Variants in DPP10 observed in about 807,000 individuals in gnomAD.
DPP10 encodes inactive dipeptidyl peptidase 10.
DPP10 carries 33 observed loss-of-function variants against 120.9 expected under a neutral mutation model. That is an observed-to-expected ratio of 0.27 (90% CI 0.21 to 0.37). DPP10 has a LOEUF of 0.37. DPP10 is among the 10% of genes least tolerant of loss of function. The pLI is 1.00. For synonymous variants in DPP10, 337 were observed against 326.1 expected (o/e 1.03, Z -0.36); for missense variants, 816 against 942.8 (o/e 0.87, Z 1.76).
rs528807764 is a variant in DPP10, at chr2:115,767,417, TTTC to T, written c.1114-877_1114-875del. On this transcript the variant is annotated intron_variant, in intron 12 of 25. Transcript: ENST00000410059. Reference sequence around the variant, plus strand: ...TCAATGTTTCATCAGATAAATGTGTTTTCTTAATGTTTTTCCTGAAGAAAGAGC... The same window carrying T: ...TCAATGTTTCATCAGATAAATGTGTTTTAATGTTTTTCCTGAAGAAAGAGC... Among the ~76,000 whole-genome samples, 1,487 of 152,084 alleles carry T rather than the reference TTTC, an allele frequency of 9.8e-3. 10 individuals are homozygous for T. The highest frequency in any genetic ancestry group is 0.015 in the Non-Finnish European group (1,047 of 67,960).
At chr2:115,706,833 T>G (rs570874388) in intron 7 of DPP10, among the ~76,000 whole-genome samples, 3 of 152,110 alleles carry the variant, frequency 2.0e-5, no homozygotes, top group African/African-American at 4.8e-5. Context: ...TTTTATTAAA[T>G]GGCATGCAGA....
chr2:114,714,716 A>T (rs1316467618), intron 1 of DPP10, among the ~76,000 whole-genome samples: 1 of 152,074 alleles, frequency 6.6e-6, no homozygotes, highest in African/African-American at 2.4e-5. Flanking sequence ...GACCTAGATT[A>T]TGTTAAATCT....
intron 1 of DPP10, among the ~76,000 whole-genome samples, chr2:115,130,038 C>T (rs2050259593): frequency 6.6e-6 from 1 of 152,122 alleles, no homozygotes; most frequent in Non-Finnish European, 1.5e-5. Context: ...GCTTAGGACT[C>T]ACTAAACCAT....
chr2:115,213,106 G>A (rs1443060877), intron 1 of DPP10, among the ~76,000 whole-genome samples: 1 of 152,126 alleles, frequency 6.6e-6, no homozygotes, highest in African/African-American at 2.4e-5. Context: ...ATTATAAACT[G>A]TGATAGTAGA....
intron 1 of DPP10, among the ~76,000 whole-genome samples, chr2:114,885,041 A>G (rs940012837): frequency 6.6e-6 from 1 of 152,226 alleles, no homozygotes; most frequent in Non-Finnish European, 1.5e-5. Context: ...TATTCCCCAC[A>G]GGTGGCTGCC....
intron 21 of DPP10, among the ~76,000 whole-genome samples, chr2:115,822,244 G>A (rs896569496): frequency 4.6e-5 from 7 of 151,914 alleles, no homozygotes; most frequent in African/African-American, 1.2e-4. Context: ...GTCACAGAAA[G>A]CATGTTACAA....
At chr2:114,868,700 C>G (rs1198080493) in intron 1 of DPP10, among the ~76,000 whole-genome samples, 1 of 152,140 alleles carries the variant, frequency 6.6e-6, no homozygotes, top group Non-Finnish European at 1.5e-5. Context: ...AAAGCATCTA[C>G]TGGAACCTGG....
At chr2:114,496,326 C>T (rs34231022) in intron 1 of DPP10, among the ~76,000 whole-genome samples, 2 of 152,138 alleles carry the variant, frequency 1.3e-5, no homozygotes, top group African/African-American at 2.4e-5. Context: ...GGGGCCTACA[C>T]CTCTAATGAG....
At chr2:115,679,577 A>G in intron 5 of DPP10, among the ~76,000 whole-genome samples, 1 of 152,204 alleles carries the variant, frequency 6.6e-6, no homozygotes, top group East Asian at 1.9e-4. Context: ...GAGAATGAAT[A>G]GTATGGAATC....
chr2:115,699,036 C>CAAAAAAAAAAAAA (rs1191197397), intron 7 of DPP10, among the ~76,000 whole-genome samples: 2 of 50,788 alleles, frequency 3.9e-5, no homozygotes, highest in African/African-American at 1.4e-4. Context: ...AAAAAAAAAA[C>CAAAAAAAAAAAAA]AAAAAAAAAA....
chr2:115,056,152 G>A (rs1705887291), intron 1 of DPP10, among the ~76,000 whole-genome samples: 1 of 152,048 alleles, frequency 6.6e-6, no homozygotes, highest in African/African-American at 2.4e-5. Context: ...CATGTTTATT[G>A]CATACATACG....
chr2:114,744,599 C>T (rs1000539391), intron 1 of DPP10, among the ~76,000 whole-genome samples: 2 of 152,074 alleles, frequency 1.3e-5, no homozygotes, highest in Non-Finnish European at 2.9e-5. Flanking sequence ...GGCAGTTATG[C>T]GGAGAATGCA....
At chr2:114,944,730 TC>T (rs1437131201) in intron 1 of DPP10, among the ~76,000 whole-genome samples, 1 of 152,154 alleles carries the variant, frequency 6.6e-6, no homozygotes, top group East Asian at 1.9e-4. Flanking sequence ...TCTTTTTAAG[TC>T]CTCAAAACAG....
At position 115,494,051 on chromosome 2, in the gene DPP10, C is replaced by T. The variant is rs539451576; in HGVS notation, c.272-5459C>T. Among the ~76,000 whole-genome samples the T allele has an allele frequency of 7.2e-5, 11 of 152,128 alleles. No individual in the cohort carries two copies. The South Asian group carries it at 1.5e-3, about 20-fold the overall frequency. ...GCAACCTCCGCCTCCCAGGTTCAAG[C>T]GATTCTCCTGCCTCAGCCTCCTGAG... On this transcript the variant is annotated intron_variant, in intron 3 of 25. Transcript: ENST00000410059.
At chr2:114,897,494 A>G (rs1693125814) in intron 1 of DPP10, among the ~76,000 whole-genome samples, 1 of 152,222 alleles carries the variant, frequency 6.6e-6, no homozygotes, top group South Asian at 2.1e-4. Flanking sequence ...AAAATTGACA[A>G]ATGTGATCTA....
chr2:115,382,896 G>A (rs1467874701), intron 3 of DPP10, among the ~76,000 whole-genome samples: 2 of 152,202 alleles, frequency 1.3e-5, no homozygotes, highest in African/African-American at 4.8e-5. Context: ...TGTGGGGCAG[G>A]AGGGAAGTCA....
rs779793489 is a variant in DPP10, at chr2:115,768,339, A to T, written c.1156A>T (p.Met386Leu). Residue 386 changes from methionine to leucine, a missense_variant, in exon 13 of 26, where the codon ATG becomes TTG. By Grantham distance (15) the Met-to-Leu change is conservative (BLOSUM62 2). Transcript: ENST00000410059. ...VFSRDGSKFF[M>L]TVPVKQGGRG... is the part of the protein sequence containing the mutation. ...TTCTAGAGACGGCAGCAAATTCTTT[A>T]TGACAGTGCCTGTTAAGCAAGGGGG... 14 of 1,613,610 alleles carry T rather than the reference A, an allele frequency of 8.7e-6. No individual in the cohort carries two copies. The Admixed American group carries it at 1.0e-4, about 12-fold the overall frequency.
At chr2:114,852,675 G>A (rs772507494) in intron 1 of DPP10, among the ~76,000 whole-genome samples, 39 of 152,068 alleles carry the variant, frequency 2.6e-4, no homozygotes, top group Admixed American at 1.3e-4. Flanking sequence ...TGGAACAACT[G>A]TATTTGTAAT....
intron 1 of DPP10, among the ~76,000 whole-genome samples, chr2:115,010,687 T>G (rs1702200503): frequency 6.6e-6 from 1 of 152,198 alleles, no homozygotes; most frequent in South Asian, 2.1e-4. Flanking sequence ...TTGAGAGACT[T>G]TTTAAACAGA....
Sources: allele counts gnomAD v4.1 joint callset (sites outside exome capture counted in the v4.1 genomes callset), GRCh38; gene constraint gnomAD v4.1.1; transcripts MANE v1.5; gene names NCBI Gene and HGNC (gene_info 2026-07-23, HGNC 2026-07-21).